The following MSRA variants were observed in gnomAD, a reference collection of about 807,000 sequenced individuals.
MSRA encodes the protein mitochondrial peptide methionine sulfoxide reductase.
A neutral mutation model predicts 31.3 loss-of-function variants in MSRA; 54 were observed. That is an observed-to-expected ratio of 1.73 (90% CI 1.39 to 2.17). The LOEUF (loss-of-function observed/expected upper bound fraction) is 2.17. Among genes scored for constraint, MSRA ranks in the 30% most tolerant of loss-of-function variants. The pLI is 0.00. For synonymous variants in MSRA, 169 were observed against 116.5 expected (o/e 1.45, Z -2.90); for missense variants, 507 against 300.9 (o/e 1.69, Z -5.07).
intron 1 of MSRA, among the ~76,000 whole-genome samples, chr8:10,082,252 A>G (rs186490812): frequency 1.8e-4 from 28 of 151,966 alleles, no homozygotes; most frequent in Admixed American, 1.6e-3. Flanking sequence ...ACCCTACAAA[A>G]CCTGACCCAT....
chr8:10,281,371 G>C (rs555287540), intron 3 of MSRA, among the ~76,000 whole-genome samples: 1 of 152,316 alleles, frequency 6.6e-6, no homozygotes, highest in East Asian at 1.9e-4. Context: ...AAAAAGGATT[G>C]ATTTAATGAA....
At chr8:10,332,631 G>A (rs1025207877) in intron 5 of MSRA, among the ~76,000 whole-genome samples, 8 of 152,322 alleles carry the variant, frequency 5.3e-5, no homozygotes, top group African/African-American at 1.2e-4. Context: ...ATGCAGCCAC[G>A]TAGACAGCTA....
intron 1 of MSRA, among the ~76,000 whole-genome samples, chr8:10,108,630 C>T (rs1351736476): frequency 1.3e-5 from 2 of 152,160 alleles, no homozygotes; most frequent in African/African-American, 2.4e-5. Context: ...AGGAAGTTTG[C>T]ACGTAGAAAC....
At chr8:10,225,933 G>A (rs1322230431) in intron 2 of MSRA, among the ~76,000 whole-genome samples, 3 of 152,230 alleles carry the variant, frequency 2.0e-5, no homozygotes, top group Admixed American at 6.5e-5. Flanking sequence ...CCAGAAAGAC[G>A]TAAGGTGTAA....
chr8:10,303,283 A>C (rs527817707), intron 4 of MSRA, among the ~76,000 whole-genome samples: 1 of 152,212 alleles, frequency 6.6e-6, no homozygotes, highest in East Asian at 1.9e-4. Flanking sequence ...TCTGTCGTCA[A>C]CTTCTCTCTC....
intron 2 of MSRA, among the ~76,000 whole-genome samples, chr8:10,238,127 C>A (rs929376754): frequency 3.9e-5 from 6 of 152,208 alleles, no homozygotes; most frequent in African/African-American, 1.4e-4. Flanking sequence ...ACTCAAGCCA[C>A]ACTGGCTTCC....
Position 10,402,183 on chromosome 8 carries a change from C to T in MSRA, c.544-25965C>T, listed in dbSNP as rs780695001. ...TGAGGGTTCCTGTCCACTCCCTGTG[C>T]GATGCCTGTCACCCAGGGATTCATC... On this transcript the variant is annotated intron_variant, in intron 5 of 5. Coordinates refer to ENST00000317173, the MANE Select transcript of MSRA (RefSeq NM_012331.5). Among the ~76,000 whole-genome samples, 24 of 152,160 alleles carry T rather than the reference C, an allele frequency of 1.6e-4. 1 individual carries two copies. The highest frequency in any genetic ancestry group is 2.7e-4 in the African/African-American group (11 of 41,426).
intron 5 of MSRA, among the ~76,000 whole-genome samples, chr8:10,332,068 C>T (rs1802734506): frequency 6.6e-6 from 1 of 152,162 alleles, no homozygotes; most frequent in South Asian, 2.1e-4. Flanking sequence ...AATATAGGAT[C>T]AGCATATCTT....
At chr8:10,387,197 C>A (rs928220848) in intron 5 of MSRA, among the ~76,000 whole-genome samples, 1 of 152,188 alleles carries the variant, frequency 6.6e-6, no homozygotes, top group Non-Finnish European at 1.5e-5. Flanking sequence ...GAGATTTAAC[C>A]TCTCTCCACC....
At chr8:10,281,454 C>T (rs1799618504) in intron 3 of MSRA, among the ~76,000 whole-genome samples, 1 of 152,202 alleles carries the variant, frequency 6.6e-6, no homozygotes, top group South Asian at 2.1e-4. Flanking sequence ...TATAAACCCA[C>T]TGGGATGGCA....
chr8:10,100,367 T>C (rs1799451913), intron 1 of MSRA, among the ~76,000 whole-genome samples: 1 of 152,150 alleles, frequency 6.6e-6, no homozygotes, highest in Admixed American at 6.5e-5. Flanking sequence ...GCCCAAGCCC[T>C]GTGCCTTGAT....
intron 1 of MSRA, among the ~76,000 whole-genome samples, chr8:10,176,461 C>T (rs1406855845): frequency 1.3e-5 from 2 of 152,156 alleles, no homozygotes; most frequent in Non-Finnish European, 2.9e-5. Flanking sequence ...TTCCCAGAGG[C>T]TTGGGCCATG....
chr8:10,328,053 A>AT (rs1563356066), intron 5 of MSRA, among the ~76,000 whole-genome samples: 2 of 63,832 alleles, frequency 3.1e-5, no homozygotes, highest in African/African-American at 1.4e-4. Flanking sequence ...TTTTTTTTTT[A>AT]GTATCAGTGA....
At position 10,385,003 on chromosome 8, in the gene MSRA, G is replaced by GA. The variant is rs913669602; in HGVS notation, c.544-43136dup. ...GGTGACAGAGCAAAACCCTGTCTCC[G>GA]AAAAAAAAAGGAAAAATAAAATGAT... On this transcript the variant is annotated intron_variant, in intron 5 of 5. Transcript: ENST00000317173. Among the ~76,000 whole-genome samples, 82 of 150,212 alleles carry GA rather than the reference G, an allele frequency of 5.5e-4. 1 individual carries two copies. Among genetic ancestry groups the GA allele is most frequent in the Admixed American group, 8.0e-4 (12 of 15,088 alleles).
At chr8:10,055,556 T>TG (rs1349855573) in intron 1 of MSRA, among the ~76,000 whole-genome samples, 10 of 152,202 alleles carry the variant, frequency 6.6e-5, no homozygotes, top group Non-Finnish European at 1.3e-4. Flanking sequence ...TCGGAGACTC[T>TG]GGGGGTGGAG....
At chr8:10,147,358 A>G (rs893827958) in intron 1 of MSRA, among the ~76,000 whole-genome samples, 1 of 152,060 alleles carries the variant, frequency 6.6e-6, no homozygotes. Flanking sequence ...CAGCTTCCGC[A>G]GCAGCTCAGT....
At chr8:10,107,449 C>G (rs568026602) in intron 1 of MSRA, among the ~76,000 whole-genome samples, 5 of 152,234 alleles carry the variant, frequency 3.3e-5, no homozygotes, top group African/African-American at 1.2e-4. Context: ...TACTCGTACT[C>G]AGTGCCTAGC....
At chr8:10,260,836 C>T (rs2975684) in intron 3 of MSRA, among the ~76,000 whole-genome samples, 17,412 of 152,186 alleles carry the variant, frequency 0.11, 1,040 homozygotes, top group African/African-American at 0.14. Flanking sequence ...TATGTCACTT[C>T]TGAATGTTGT....
chr8:10,420,080 G>A (rs943470439), intron 5 of MSRA, among the ~76,000 whole-genome samples: 6 of 152,176 alleles, frequency 3.9e-5, no homozygotes, highest in African/African-American at 9.7e-5. Flanking sequence ...TGGCATGTAC[G>A]TAGAGTGGAA....
Sources: allele counts gnomAD v4.1 joint callset (sites outside exome capture counted in the v4.1 genomes callset), GRCh38; gene constraint gnomAD v4.1.1; transcripts MANE v1.5; gene names NCBI Gene and HGNC (gene_info 2026-07-23, HGNC 2026-07-21).